TFEB: variants seen among roughly 807,000 people sequenced by gnomAD.
The protein encoded by TFEB is transcription factor EB, also known as T-cell transcription factor EB.
TFEB carries 12 observed loss-of-function variants against 48.0 expected under a neutral mutation model. The ratio of observed to expected loss-of-function variants is 0.25; its 90% CI spans 0.16 to 0.40. TFEB has a LOEUF of 0.40. Among genes scored for constraint, TFEB ranks in the 10% least tolerant of loss-of-function variants. The pLI is 1.00. For missense variants in TFEB, 509 were observed against 640.3 expected (o/e 0.79, Z 2.21); for synonymous variants, 244 against 261.4 (o/e 0.93, Z 0.64).
chr6:41,712,405 G>A (rs1217703995), intron 1 of TFEB, among the ~76,000 whole-genome samples: 8 of 152,166 alleles, frequency 5.3e-5, no homozygotes, highest in Non-Finnish European at 1.2e-4. Context: ...ACCAGTAAGG[G>A]GCTCAGCCAC....
intron 1 of TFEB, among the ~76,000 whole-genome samples, chr6:41,713,064 C>T (rs1399479994): frequency 2.0e-5 from 3 of 152,084 alleles, no homozygotes; most frequent in East Asian, 1.9e-4. Context: ...GTGAAGTCTG[C>T]GGGGGCCAGG....
At chr6:41,705,595 A>T (rs1453733617) in intron 1 of TFEB, 1 of 152,384 alleles carries the variant, frequency 6.6e-6, no homozygotes, top group African/African-American at 2.4e-5. Context: ...TGAAGAGGTG[A>T]CAGCTCTCAA....
intron 1 of TFEB, among the ~76,000 whole-genome samples, chr6:41,718,708 G>A (rs1770849042): frequency 7.1e-6 from 1 of 141,790 alleles, no homozygotes. Flanking sequence ...ACAGTCTCCT[G>A]TGCCTGCTTG....
chr6:41,702,317 G>A (rs567691286), intron 1 of TFEB, among the ~76,000 whole-genome samples: 6 of 152,288 alleles, frequency 3.9e-5, no homozygotes, highest in African/African-American at 1.2e-4. Flanking sequence ...CGGTTAGCCC[G>A]CCTGAGAGCC....
At chr6:41,732,748 G>A (rs1245130772) in intron 1 of TFEB, 4 of 985,732 alleles carry the variant, frequency 4.1e-6, no homozygotes, top group Non-Finnish European at 4.8e-6. Context: ...CACTGTACAT[G>A]CATATATGTT....
chr6:41,714,400 T>G (rs1184326995), intron 1 of TFEB, among the ~76,000 whole-genome samples: 1 of 152,140 alleles, frequency 6.6e-6, no homozygotes, highest in African/African-American at 2.4e-5. Flanking sequence ...TTCTAGATTA[T>G]GAATAAGGCT....
At chr6:41,714,539 C>A (rs758001422) in intron 1 of TFEB, among the ~76,000 whole-genome samples, 4 of 152,168 alleles carry the variant, frequency 2.6e-5, no homozygotes, top group Non-Finnish European at 4.4e-5. Context: ...AGAGGTGCGG[C>A]CTTGATGGTA....
rs371054306 is a variant in TFEB, at chr6:41,691,452, G to T, written c.-22-217C>A. 445 of 714,602 alleles carry T rather than the reference G, an allele frequency of 6.2e-4. 8 individuals carry two copies. The South Asian group carries it at 6.5e-3, about 10-fold the overall frequency. 44.3% of individuals were successfully genotyped at this position (714,602 alleles called of 1,614,324 possible). On this transcript the variant is annotated intron_variant, in intron 1 of 8. Transcript: ENST00000373033. This position sits in a 1 kb window ranked among gnomAD's most constrained non-coding sequence, Gnocchi z 5.2. The stretch of plus-strand genomic sequence containing the variant: ...CCTGGTTCCTGGACCAAAACTGAAG[G>T]TTCTGTCTTCTTCACTCATTGCAGT...
At chr6:41,697,490 A>G (rs1046155889) in intron 1 of TFEB, among the ~76,000 whole-genome samples, 8 of 120,198 alleles carry the variant, frequency 6.7e-5, no homozygotes, top group Admixed American at 9.0e-5. Flanking sequence ...CACCAACACC[A>G]CCCCTTCTCC....
rs1017708891 is a variant in TFEB at position 41,723,692 on chromosome 6, C to T, written c.-23+11658G>A. ...TCACAGCACAGAGGGAACTGCGCCC[C>T]GACGGCACAGTCCCACACCGCAGCC... On this transcript the variant is annotated intron_variant, in intron 1 of 8. Coordinates refer to ENST00000373033, the MANE Select transcript of TFEB (RefSeq NM_001271944.2). This position sits in a 1 kb window ranked among gnomAD's most constrained non-coding sequence, Gnocchi z 6.0. 2.4e-5 allele frequency: 11 copies of T among 458,654 alleles called. No homozygotes were observed. Among genetic ancestry groups the T allele is most frequent in the Admixed American group, 1.1e-4 (3 of 27,458 alleles). The allele number at this position is 458,654 out of a possible 1,614,324, so 28.4% of individuals were successfully genotyped here. A position where few individuals can be genotyped will look rare whatever the true frequency, so the allele number is the denominator to read the frequency against.
At position 41,735,081 on chromosome 6, in the gene TFEB, G is replaced by A. The variant is rs1382815476; in HGVS notation, c.-23+269C>T. 3 of 984,926 alleles carry A rather than the reference G, an allele frequency of 3.0e-6. No individual in the cohort carries two copies. The African/African-American group carries it at 5.2e-5, about 17-fold the overall frequency. The allele number at this position is 984,926 out of a possible 1,614,324, so 61.0% of individuals were successfully genotyped here. A position where few individuals can be genotyped will look rare whatever the true frequency, so the allele number is the denominator to read the frequency against. ...CGGCCCCTCCCGCCCGGTTACATAAGGTCGCGGAGAAGCCGCCCCCGGCCC... is the reference window on the plus strand; with the variant it reads ...CGGCCCCTCCCGCCCGGTTACATAAAGTCGCGGAGAAGCCGCCCCCGGCCC... On this transcript the variant is annotated intron_variant, in intron 1 of 8. Coordinates refer to ENST00000373033, the MANE Select transcript of TFEB (RefSeq NM_001271944.2).
chr6:41,728,719 G>A (rs1045611195), intron 1 of TFEB, among the ~76,000 whole-genome samples: 1 of 151,974 alleles, frequency 6.6e-6, no homozygotes, highest in Non-Finnish European at 1.5e-5. Flanking sequence ...ACTCTCTGTG[G>A]GGAGGAACAG....
At chr6:41,726,014 TAGG>T (rs1360625311) in intron 1 of TFEB, among the ~76,000 whole-genome samples, 1 of 152,074 alleles carries the variant, frequency 6.6e-6, no homozygotes, top group African/African-American at 2.4e-5. Context: ...GAGGCCGAGG[TAGG>T]AGAATCGCTT....
chr6:41,706,977 G>A (rs565282789), intron 1 of TFEB, among the ~76,000 whole-genome samples: 11 of 152,244 alleles, frequency 7.2e-5, no homozygotes, highest in African/African-American at 2.6e-4. Context: ...TGATGGGGTC[G>A]GGGGAGGAGC....
chr6:41,690,994 GC>G lies in TFEB; in HGVS notation c.213+6del, dbSNP rs1561851797. The G allele has an allele frequency of 6.3e-7, 1 of 1,575,040 alleles. No individual in the cohort carries two copies. Among genetic ancestry groups the G allele is most frequent in the South Asian group, 1.2e-5 (1 of 84,454 alleles). On this transcript the variant is annotated splice_donor_region_variant and intron_variant, in intron 2 of 8. Coordinates refer to ENST00000373033, the MANE Select transcript of TFEB (RefSeq NM_001271944.2). Reference sequence around the variant, plus strand: ...CAGGGTGGGGGGCAGGCCAGAACAGGCCCTACCTTCAACACCTCCCCAGGCA... The same window carrying G: ...CAGGGTGGGGGGCAGGCCAGAACAGGCCTACCTTCAACACCTCCCCAGGCA...
In TFEB at chr6:41,734,428, A is replaced by G; in HGVS notation, c.-23+922T>C. ...GGAACCCCGCGCGGGGAGGGGGCCGAGCTGGCATCTGCCCGCTCCCTTCCA... is the reference window on the plus strand; with the variant it reads ...GGAACCCCGCGCGGGGAGGGGGCCGGGCTGGCATCTGCCCGCTCCCTTCCA... On this transcript the variant is annotated intron_variant, in intron 1 of 8. Coordinates refer to ENST00000373033, the MANE Select transcript of TFEB (RefSeq NM_001271944.2). The surrounding 1 kb of genome is among the most constrained non-coding windows in gnomAD (Gnocchi z 4.0). 1.0e-6 allele frequency: 1 copy of G among 968,150 alleles called. No homozygotes were observed. The highest frequency in any genetic ancestry group is 1.2e-6 in the Non-Finnish European group (1 of 816,572). The allele number at this position is 968,150 out of a possible 1,614,324, so 60.0% of individuals were successfully genotyped here.
At chr6:41,685,170 C>T (rs1199923485) in intron 8 of TFEB, 92 bp from the exon 9 acceptor site, 2 of 1,347,776 alleles carry the variant, frequency 1.5e-6, no homozygotes, top group Non-Finnish European at 1.9e-6. Flanking sequence ...GCACTTGCCC[C>T]TGCCCTACGG....
chr6:41,687,800 C>G lies in TFEB; in HGVS notation c.680G>C (p.Ser227Thr). 6.2e-7 allele frequency: 1 copy of G among 1,613,772 alleles called. No individual in the cohort carries two copies. The highest frequency in any genetic ancestry group is 1.1e-5 in the South Asian group (1 of 90,998). Residue 227 changes from serine (S) to threonine (T), a missense_variant, in exon 6 of 9, where the codon AGC (serine) becomes ACC (threonine). Ser to Thr is a moderately conservative substitution (Grantham distance 58). This residue lies in a region of TFEB where 251 missense variants were observed against 317.2 expected (regional missense o/e 0.79). Transcript: ENST00000373033. ...CTGCCGCTCCTTGGCCAGGGCCCTG[C>G]TCTCAGCATCTGGAGGCCAAAAGAG... ...TQKRELTDAE[S>T]RALAKERQKK...
Position 41,684,884 on chromosome 6 carries a change from G to C in TFEB, c.1146C>G (p.Pro382=), listed in dbSNP as rs779208846. ...LPALPPQAPL[P]LPTQPPSPFH... Reference sequence around the variant, plus strand: ...ATGGGGATGGTGGCTGGGTGGGCAGGGGCAGCGGGGCTTGCGGGGGCAGAG... The same window carrying C: ...ATGGGGATGGTGGCTGGGTGGGCAGCGGCAGCGGGGCTTGCGGGGGCAGAG... Residue 382 remains proline, a synonymous_variant, in exon 9 of 9, where the codon CCC becomes CCG. Transcript: ENST00000373033. 1 of 1,570,778 alleles carries C rather than the reference G, an allele frequency of 6.4e-7. No homozygotes were observed. The highest frequency in any genetic ancestry group is 8.6e-7 in the Non-Finnish European group (1 of 1,157,366).
Sources: gnomAD v4.1 joint callset for allele counts (sites outside exome capture counted in the v4.1 genomes callset) on GRCh38, gnomAD v4.1.1 for gene constraint, gnomAD v4.1.1 regional missense constraint, Gnocchi (gnomAD v3.1) non-coding constraint, MANE v1.5 for transcripts, NCBI Gene and HGNC (gene_info 2026-07-23, HGNC 2026-07-21) for gene names.